IGSF10: variants seen among roughly 807,000 people sequenced by gnomAD.
IGSF10 encodes the protein calvaria mechanical force protein 608.
In IGSF10, 126 loss-of-function variants were observed where a neutral mutation model predicts 128.2. The ratio of observed to expected loss-of-function variants is 0.98; its 90% CI spans 0.85 to 1.14. The LOEUF is 1.14. IGSF10 is among the 50% of genes most tolerant of loss of function. The pLI is 0.00. For synonymous variants in IGSF10, 1,185 were observed against 1,146.2 expected (o/e 1.03, Z -0.68); for missense variants, 3,295 against 3,149.8 (o/e 1.05, Z -1.10).
chr3:151,578,760 G>A, the IGSF10 span, among the ~76,000 whole-genome samples: 1 of 152,188 alleles, frequency 6.6e-6, no homozygotes, highest in South Asian at 2.1e-4. Flanking sequence ...TTGGAGCTAG[G>A]AGAAGAAATA....
chr3:151,596,120 T>C, the IGSF10 span, among the ~76,000 whole-genome samples: 8 of 152,232 alleles, frequency 5.3e-5, no homozygotes, highest in African/African-American at 1.9e-4. Context: ...AAAAGCCAAA[T>C]GTGGTCATAT....
chr3:151,588,819 A>G, the IGSF10 span, among the ~76,000 whole-genome samples: 2 of 152,222 alleles, frequency 1.3e-5, no homozygotes, highest in African/African-American at 4.8e-5. Flanking sequence ...TCAAGTAAGT[A>G]AAATGCAGAA....
At chr3:151,491,084 A>T in the IGSF10 span, among the ~76,000 whole-genome samples, 1 of 152,148 alleles carries the variant, frequency 6.6e-6, no homozygotes. Context: ...TTGGAAAATT[A>T]AAATTGACAA....
the IGSF10 span, among the ~76,000 whole-genome samples, chr3:151,606,258 T>C: frequency 6.6e-6 from 1 of 152,232 alleles, no homozygotes; most frequent in Middle Eastern, 3.2e-3. Flanking sequence ...GTTTCTGGAA[T>C]GTAGCTTTCA....
upstream of IGSF10, among the ~76,000 whole-genome samples, chr3:151,463,535 T>TG (rs56084857): frequency 0.055 from 2,879 of 52,098 alleles, 156 homozygotes; most frequent in Non-Finnish European, 0.061. Flanking sequence ...TTTTTTTTTT[T>TG]TTTTTTTTTT....
chr3:151,604,857 C>T, the IGSF10 span, among the ~76,000 whole-genome samples: 4 of 152,052 alleles, frequency 2.6e-5, no homozygotes, highest in Non-Finnish European at 4.4e-5. Context: ...GGATCAGGTT[C>T]CTGCATGTCT....
At position 151,438,025 on chromosome 3, in the gene IGSF10, GA is replaced by G. The variant is rs1369235944; in HGVS notation, c.6535del (p.Ser2179ProfsTer4). The G allele has an allele frequency of 2.5e-6, 4 of 1,614,212 alleles. No homozygotes were observed. The East Asian group carries it at 8.9e-5, about 36-fold the overall frequency. On this transcript the variant is annotated frameshift_variant, in exon 8 of 8. Transcript: ENST00000282466. LOFTEE classifies it low-confidence loss of function (END_TRUNC). ...AATGGAGAAGGAAATCATGTCATTG[GA>G]AGGCAGCAACCAAAATATTTTTGGT... The part of the protein sequence containing the change: ...PKPKIFWLLP[S>X]NDMISFSIDR...
At chr3:151,460,849 G>T in intron 1 of IGSF10, 97 bp downstream of exon 1, 1 of 505,034 alleles carries the variant, frequency 2.0e-6, no homozygotes, top group South Asian at 9.0e-5. Context: ...CCCAGCGCCC[G>T]CTTCTGCAGC....
the IGSF10 span, among the ~76,000 whole-genome samples, chr3:151,545,546 A>G: frequency 1.3e-5 from 2 of 152,210 alleles, no homozygotes; most frequent in Non-Finnish European, 1.5e-5. Context: ...ACTTTTGACC[A>G]TCAAGTCCTG....
At chr3:151,464,476 A>G (rs1722212179), upstream of IGSF10, among the ~76,000 whole-genome samples, 1 of 147,518 alleles carries the variant, frequency 6.8e-6, no homozygotes, top group Non-Finnish European at 1.5e-5. Flanking sequence ...TATCATCCAT[A>G]CCATCCTTTA....
At chr3:151,603,641 T>C in the IGSF10 span, among the ~76,000 whole-genome samples, 1 of 152,306 alleles carries the variant, frequency 6.6e-6, no homozygotes, top group East Asian at 1.9e-4. Flanking sequence ...CATACAATTA[T>C]GGGGATAGGC....
chr3:151,470,094 A>G, the IGSF10 span, among the ~76,000 whole-genome samples: 3 of 152,210 alleles, frequency 2.0e-5, no homozygotes, highest in Admixed American at 6.5e-5. Flanking sequence ...ACAAGGATTT[A>G]CCAAAGCCCT....
At chr3:151,550,500 C>T in the IGSF10 span, among the ~76,000 whole-genome samples, 7 of 152,172 alleles carry the variant, frequency 4.6e-5, no homozygotes, top group Admixed American at 1.3e-4. Context: ...GGCAAAGAAT[C>T]CAACTTGGCA....
At chr3:151,507,901 A>G in the IGSF10 span, among the ~76,000 whole-genome samples, 1 of 147,790 alleles carries the variant, frequency 6.8e-6, no homozygotes, top group African/African-American at 2.5e-5. Flanking sequence ...CTGTCAATAA[A>G]TAATTGACAA....
In IGSF10 at chr3:151,442,547, A is replaced by ATTTTT. The variant is rs3975406; in HGVS notation, c.5963+432_5963+436dup. On this transcript the variant is annotated intron_variant, in intron 7 of 7. Coordinates refer to ENST00000282466, the MANE Select transcript of IGSF10 (RefSeq NM_178822.5). Reference sequence around the variant, plus strand: ...GGCGCCCGGCCACCATGCCCGGCTAATTTTTTTTTTTTTGTACTTTTAGTA... The same window carrying ATTTTT: ...GGCGCCCGGCCACCATGCCCGGCTAATTTTTTTTTTTTTTTTTTGTACTTTTAGTA... Among the ~76,000 whole-genome samples, 654 of 125,520 alleles carry ATTTTT rather than the reference A, an allele frequency of 5.2e-3. 24 individuals are homozygous for ATTTTT. Among genetic ancestry groups the ATTTTT allele is most frequent in the African/African-American group, 0.017 (546 of 31,724 alleles). 82.3% of individuals were successfully genotyped at this position (125,520 alleles called of 152,430 possible).
chr3:151,529,523 C>A, the IGSF10 span, among the ~76,000 whole-genome samples: 57 of 152,148 alleles, frequency 3.7e-4, 1 homozygote. Flanking sequence ...AGGCAGCAAT[C>A]TTTGCTGTTC....
chr3:151,510,863 A>C, the IGSF10 span, among the ~76,000 whole-genome samples: 1 of 152,350 alleles, frequency 6.6e-6, no homozygotes, highest in South Asian at 2.1e-4. Flanking sequence ...AAAGGGTATC[A>C]GTGGTGGAAG....
the IGSF10 span, among the ~76,000 whole-genome samples, chr3:151,545,591 A>G: frequency 6.6e-6 from 1 of 152,234 alleles, no homozygotes; most frequent in African/African-American, 2.4e-5. Flanking sequence ...AAATTGGCTC[A>G]ATTCAAGCTG....
chr3:151,514,441 C>G, the IGSF10 span, among the ~76,000 whole-genome samples: 1 of 152,246 alleles, frequency 6.6e-6, no homozygotes, highest in Non-Finnish European at 1.5e-5. Flanking sequence ...AACTGGATCC[C>G]TTCTGTGCAC....
Sources: gnomAD v4.1 joint callset for allele counts (sites outside exome capture counted in the v4.1 genomes callset) on GRCh38, gnomAD v4.1.1 for gene constraint, MANE v1.5 for transcripts, NCBI Gene and HGNC (gene_info 2026-07-23, HGNC 2026-07-21) for gene names.